Variants in DNAJB14 observed in about 807,000 individuals in gnomAD.
The protein encoded by DNAJB14 is dnaJ homolog subfamily B member 14.
DNAJB14 carries 22 observed loss-of-function variants against 48.4 expected under a neutral mutation model. That is an observed-to-expected ratio of 0.45 (90% CI 0.32 to 0.65). The LOEUF is 0.65. DNAJB14 is among the 30% of genes least tolerant of loss of function. The probability of loss-of-function intolerance (pLI) is 0.03; values close to 1 mark genes in which losing one functional copy is unlikely to be tolerated. For synonymous variants in DNAJB14, 142 were observed against 158.7 expected, an observed-to-expected ratio of 0.89 and a Z score of 0.79; for missense variants, 319 against 458.8, an observed-to-expected ratio of 0.70 and a Z score of 2.78.
At chr4:99,905,846 A>G (rs1725445435) in intron 5 of DNAJB14, 140 bp from the exon 6 acceptor site, 1 of 1,251,302 alleles carries the variant, frequency 8.0e-7, no homozygotes, top group Non-Finnish European at 1.1e-6. Context: ...AACCATGCCA[A>G]TAGGATGATT....
In DNAJB14 at chr4:99,896,569, A is replaced by G. The variant is rs1298216144; in HGVS notation, c.*4459T>C. On this transcript the variant is annotated 3_prime_UTR_variant, in exon 8 of 8. Transcript: ENST00000442697. ...GCAGCTTTTAAAAACACATAAAGTA[A>G]ATGGAAAGAAAGTCTTATGTAGCAA... is the stretch of plus-strand genomic sequence containing the variant. 1 of 152,214 alleles carries G rather than the reference A, an allele frequency of 6.6e-6. No homozygotes were observed. The highest frequency in any genetic ancestry group is 1.5e-5 in the Non-Finnish European group (1 of 68,014). 9.4% of individuals were successfully genotyped at this position (152,214 alleles called of 1,614,324 possible). A position where few individuals can be genotyped will look rare whatever the true frequency, so the allele number is the denominator to read the frequency against.
chr4:99,922,766 A>ATTTTT, intron 3 of DNAJB14: 1 of 265,150 alleles, frequency 3.8e-6, no homozygotes. Context: ...TCATCACCCT[A>ATTTTT]TTTGTTCCTG....
chr4:99,921,751 T>G (rs1397677708), intron 3 of DNAJB14, among the ~76,000 whole-genome samples: 1 of 152,214 alleles, frequency 6.6e-6, no homozygotes, highest in African/African-American at 2.4e-5. Flanking sequence ...ACTCTGTGAC[T>G]GCATACATTA....
intron 1 of DNAJB14, among the ~76,000 whole-genome samples, chr4:99,945,739 G>A (rs552392612): frequency 3.7e-4 from 57 of 152,276 alleles, no homozygotes; most frequent in South Asian, 6.2e-4. Flanking sequence ...TTATTACTCC[G>A]AAGCCTATCG....
At chr4:99,938,164 T>C (rs991515773) in intron 1 of DNAJB14, among the ~76,000 whole-genome samples, 1 of 128,646 alleles carries the variant, frequency 7.8e-6, no homozygotes, top group Non-Finnish European at 1.6e-5. Context: ...TAATCCCAGC[T>C]ACTTGGGAGG....
At chr4:99,937,002 ATG>A (rs1234263270) in intron 1 of DNAJB14, among the ~76,000 whole-genome samples, 2 of 152,226 alleles carry the variant, frequency 1.3e-5, no homozygotes, top group Non-Finnish European at 2.9e-5. Flanking sequence ...CCTACAAAAC[ATG>A]TATTTATTAC....
chr4:99,932,926 G>C (rs1311382591), intron 1 of DNAJB14, among the ~76,000 whole-genome samples: 2 of 152,168 alleles, frequency 1.3e-5, no homozygotes, highest in Admixed American at 1.3e-4. Flanking sequence ...GTACAGAACA[G>C]GCAAATCTAC....
At chr4:99,930,082 A>AT (rs1202746318) in intron 2 of DNAJB14, 3 of 156,778 alleles carry the variant, frequency 1.9e-5, no homozygotes, top group African/African-American at 7.2e-5. Flanking sequence ...AAATGTTGCT[A>AT]TTACACTCAA....
intron 1 of DNAJB14, among the ~76,000 whole-genome samples, chr4:99,936,439 A>G (rs1341476452): frequency 7.6e-6 from 1 of 131,502 alleles, no homozygotes; most frequent in Non-Finnish European, 1.7e-5. Context: ...TCACAAACAC[A>G]TATAACACAC....
intron 3 of DNAJB14, among the ~76,000 whole-genome samples, chr4:99,914,262 T>C (rs1212972080): frequency 6.6e-6 from 1 of 152,164 alleles, no homozygotes. Flanking sequence ...CCAACAATGA[T>C]AGACTGCATT....
Position 99,908,718 on chromosome 4 carries a change from A to G in DNAJB14, c.630T>C (p.Phe210=). The G allele has an allele frequency of 1.3e-6, 2 of 1,588,138 alleles. No homozygotes were observed. The highest frequency in any genetic ancestry group is 1.7e-6 in the Non-Finnish European group (2 of 1,170,558). Residue 210 remains phenylalanine (F), a synonymous_variant, in exon 4 of 8, where the codon TTT becomes TTC. Coordinates refer to ENST00000442697, the MANE Select transcript of DNAJB14 (RefSeq NM_001031723.4). The part of the protein sequence containing the change: ...DLFNIFFGGG[F]PSGSVHSFSN... ...ATAATTACATTAAAATACCTGAAGGAAATCCACCCCCAAAAAATATATTAA... is the reference window on the plus strand; with the variant it reads ...ATAATTACATTAAAATACCTGAAGGGAATCCACCCCCAAAAAATATATTAA...
chr4:99,896,669 GTTTC>G lies in DNAJB14; in HGVS notation c.*4355_*4358del, dbSNP rs980210039. Reference sequence around the variant, plus strand: ...AAACTGCAAAATATCATTTATGTGTGTTTCTTCTCATTGGTTTAATCATCCTATT... The same window carrying G: ...AAACTGCAAAATATCATTTATGTGTGTTCTCATTGGTTTAATCATCCTATT... On this transcript the variant is annotated 3_prime_UTR_variant, in exon 8 of 8. Coordinates refer to ENST00000442697, the MANE Select transcript of DNAJB14 (RefSeq NM_001031723.4). 1.3e-5 allele frequency: 2 copies of G among 152,146 alleles called. No homozygotes were observed. Among genetic ancestry groups the G allele is most frequent in the African/African-American group, 4.8e-5 (2 of 41,442 alleles). The allele number at this position is 152,146 out of a possible 1,614,324, so 9.4% of individuals were successfully genotyped here. A position where few individuals can be genotyped will look rare whatever the true frequency, so the allele number is the denominator to read the frequency against.
chr4:99,918,555 G>A (rs149323135), intron 3 of DNAJB14, among the ~76,000 whole-genome samples: 1 of 152,228 alleles, frequency 6.6e-6, no homozygotes, highest in African/African-American at 2.4e-5. Context: ...CTCCACTTTG[G>A]CAGAGAAGGG....
intron 4 of DNAJB14, 67 bp from the exon 5 acceptor site, chr4:99,906,678 CA>C: frequency 1.5e-6 from 2 of 1,330,446 alleles, no homozygotes; most frequent in Non-Finnish European, 2.1e-6. Context: ...CATTTTCTTT[CA>C]CATTTTTCTT....
intron 3 of DNAJB14, among the ~76,000 whole-genome samples, chr4:99,921,365 T>G (rs1452516902): frequency 1.3e-5 from 2 of 152,168 alleles, no homozygotes; most frequent in African/African-American, 4.8e-5. Flanking sequence ...TGTAACCAGT[T>G]TTGTAAAACC....
chr4:99,905,872 C>T, intron 5 of DNAJB14, 166 bp from the exon 6 acceptor site: 1 of 791,730 alleles, frequency 1.3e-6, no homozygotes, highest in Non-Finnish European at 1.5e-6. Context: ...ATATAATTAT[C>T]CAGGCATATC....
chr4:99,920,928 G>A (rs146893817), intron 3 of DNAJB14, among the ~76,000 whole-genome samples: 5 of 152,234 alleles, frequency 3.3e-5, no homozygotes, highest in African/African-American at 9.6e-5. Context: ...CAATAGTATT[G>A]TCTTTGCTCA....
At chr4:99,915,525 G>A (rs569280239) in intron 3 of DNAJB14, among the ~76,000 whole-genome samples, 1 of 152,166 alleles carries the variant, frequency 6.6e-6, no homozygotes, top group South Asian at 2.1e-4. Flanking sequence ...AGTTTCCAAG[G>A]ACTGGACGTT....
chr4:99,904,584 G>GA (rs1385431744), intron 6 of DNAJB14, among the ~76,000 whole-genome samples: 1 of 152,000 alleles, frequency 6.6e-6, no homozygotes, highest in Non-Finnish European at 1.5e-5. Context: ...TACAAAATCT[G>GA]AAAAAATCCA....
Sources: allele counts gnomAD v4.1 joint callset (sites outside exome capture counted in the v4.1 genomes callset), GRCh38; gene constraint gnomAD v4.1.1; transcripts MANE v1.5; gene names NCBI Gene and HGNC (gene_info 2026-07-23, HGNC 2026-07-21).